The following SGSM2 variants were observed in gnomAD, a reference collection of about 807,000 sequenced individuals.
SGSM2 encodes the protein small G protein signaling modulator 2.
A neutral mutation model predicts 126.6 loss-of-function variants in SGSM2; 89 were observed. That is an observed-to-expected ratio of 0.70 (90% CI 0.59 to 0.84). SGSM2 has a LOEUF of 0.84. Ranked by LOEUF, SGSM2 falls within the 40% of genes least tolerant of loss-of-function variation. The probability of loss-of-function intolerance (pLI) is 0.00; values close to 1 mark genes in which losing one functional copy is unlikely to be tolerated. For synonymous variants in SGSM2, 614 were observed against 574.3 expected (o/e 1.07, Z -0.99); for missense variants, 1,404 against 1,416.6 (o/e 0.99, Z 0.14).
At chr17:2,340,773 A>C (rs571316480) in intron 1 of SGSM2, among the ~76,000 whole-genome samples, 1 of 151,870 alleles carries the variant, frequency 6.6e-6, no homozygotes, top group Admixed American at 6.6e-5. Context: ...TTTAGTAGAG[A>C]CGGGGTTTCA....
In SGSM2 at chr17:2,365,242, C is replaced by G; in HGVS notation, c.1189C>G (p.Arg397Gly). 2 of 1,612,842 alleles carry G rather than the reference C, an allele frequency of 1.2e-6. No homozygotes were observed. Among genetic ancestry groups the G allele is most frequent in the Non-Finnish European group, 1.7e-6 (2 of 1,179,342 alleles). ...KGKVFPKLRK[R>G]SSIRSVDMEE... ...GAAAGTGTTCCCCAAGCTACGGAAA[C>G]GAAGCAGCATTCGCTCCGTGGATAT... Residue 397 changes from arginine (R) to glycine (G), a missense_variant, in exon 11 of 24, where the codon CGA becomes GGA. Physicochemically the swap from Arg to Gly is moderately radical, Grantham distance 125 (BLOSUM62 -2). Transcript: ENST00000268989.
At position 2,372,584 on chromosome 17, in the gene SGSM2, A is replaced by G. The variant is rs1158070089; in HGVS notation, c.1788+96A>G. On this transcript the variant is annotated intron_variant, in intron 15 of 23. Transcript: ENST00000268989. This position sits in a 1 kb window ranked among gnomAD's most constrained non-coding sequence, Gnocchi z 6.0. Reference sequence around the variant, plus strand: ...AAATGTGCCAGTGGGTGCGGTTGACAGGCCAGGGCCGATGCCACGGAGTGA... The same window carrying G: ...AAATGTGCCAGTGGGTGCGGTTGACGGGCCAGGGCCGATGCCACGGAGTGA... 1.3e-6 allele frequency: 2 copies of G among 1,494,040 alleles called. No individual in the cohort carries two copies. The highest frequency in any genetic ancestry group is 1.8e-6 in the Non-Finnish European group (2 of 1,103,586). 92.5% of individuals were successfully genotyped at this position (1,494,040 alleles called of 1,614,324 possible). A position where few individuals can be genotyped will look rare whatever the true frequency, so the allele number is the denominator to read the frequency against.
Position 2,363,767 on chromosome 17 carries a change from T to C in SGSM2, c.807+168T>C. 1 of 1,087,266 alleles carries C rather than the reference T, an allele frequency of 9.2e-7. No individual in the cohort carries two copies. Among genetic ancestry groups the C allele is most frequent in the East Asian group, 2.6e-5 (1 of 38,444 alleles). 67.4% of individuals were successfully genotyped at this position (1,087,266 alleles called of 1,614,324 possible). On this transcript the variant is annotated intron_variant, in intron 7 of 23. Transcript: ENST00000268989. The surrounding 1 kb of genome is among the most constrained non-coding windows in gnomAD (Gnocchi z 4.2). ...CACACGACTCACGCCCAGCCTTTAG[T>C]TGGCAGGGGACAGGAATGGCAGCCA... is the stretch of plus-strand genomic sequence containing the variant.
intron 2 of SGSM2, among the ~76,000 whole-genome samples, chr17:2,357,198 T>C (rs369897353): frequency 1.3e-5 from 2 of 152,190 alleles, no homozygotes; most frequent in South Asian, 4.1e-4. Context: ...CAGACCTTTG[T>C]AGGGGTGTCC....
chr17:2,379,349 G>A (rs910080383), intron 23 of SGSM2, 83 bp from the exon 24 acceptor site: 5 of 1,568,772 alleles, frequency 3.2e-6, no homozygotes, highest in East Asian at 2.3e-5. Context: ...AGAGCAGATG[G>A]AAACAGAGCA....
chr17:2,347,879 C>T (rs1163166082), intron 2 of SGSM2, among the ~76,000 whole-genome samples: 1 of 152,148 alleles, frequency 6.6e-6, no homozygotes, highest in Non-Finnish European at 1.5e-5. Context: ...TCTGGCCAGG[C>T]AGAGCAGGTT....
Position 2,379,066 on chromosome 17 carries a change from G to T in SGSM2, c.2930G>T (p.Trp977Leu). ...CTGTATGAGGATGTGTTTGCTGTGT[G>T]GGAGGTGATCTGGGCAGCCAGGCAC... ...ELLYEDVFAV[W>L]EVIWAARHIS... is the part of the protein sequence containing the mutation. Residue 977 changes from tryptophan (W) to leucine (L), a missense_variant, in exon 23 of 24, where the codon TGG becomes TTG. Transcript: ENST00000268989. The T allele has an allele frequency of 6.2e-7, 1 of 1,614,202 alleles. No individual in the cohort carries two copies. Among genetic ancestry groups the T allele is most frequent in the South Asian group, 1.1e-5 (1 of 91,084 alleles).
At chr17:2,348,499 A>G (rs1158130107) in intron 2 of SGSM2, among the ~76,000 whole-genome samples, 1 of 152,112 alleles carries the variant, frequency 6.6e-6, no homozygotes, top group East Asian at 1.9e-4. Context: ...GGAAGGAGGG[A>G]GCTCTGAAGG....
chr17:2,373,593 T>G, intron 17 of SGSM2, 80 bp downstream of exon 17: 1 of 1,336,354 alleles, frequency 7.5e-7, no homozygotes, highest in Non-Finnish European at 1.0e-6. Flanking sequence ...AGCACCAGCC[T>G]GACCTCTGGG....
chr17:2,367,249 T>C lies in SGSM2; in HGVS notation c.1289-22T>C. The stretch of plus-strand genomic sequence containing the variant: ...GGGATGAGGGCCTCATGCCTCTGCC[T>C]CTCGCTGTTCTCTTTGAGCAGTCAC... On this transcript the variant is annotated intron_variant, in intron 11 of 23. Coordinates refer to ENST00000268989, the MANE Select transcript of SGSM2 (RefSeq NM_014853.3). The surrounding 1 kb of genome is among the most constrained non-coding windows in gnomAD (Gnocchi z 4.0). 1 of 1,606,162 alleles carries C rather than the reference T, an allele frequency of 6.2e-7. No individual in the cohort carries two copies. The highest frequency in any genetic ancestry group is 8.5e-7 in the Non-Finnish European group (1 of 1,176,326).
chr17:2,351,603 T>C (rs1216044694), intron 2 of SGSM2, among the ~76,000 whole-genome samples: 2 of 152,152 alleles, frequency 1.3e-5, no homozygotes, highest in East Asian at 1.9e-4. Context: ...ACAAGGACAA[T>C]GGGATGTGTA....
In SGSM2 at chr17:2,367,308, G is replaced by C. The variant is rs754513850; in HGVS notation, c.1326G>C (p.Ala442=). 1.2e-6 allele frequency: 2 copies of C among 1,613,964 alleles called. No individual in the cohort carries two copies. Among genetic ancestry groups the C allele is most frequent in the African/African-American group, 2.7e-5 (2 of 74,938 alleles). Residue 442 remains alanine, a synonymous_variant, in exon 12 of 24, where the codon GCG becomes GCC. Transcript: ENST00000268989. The surrounding 1 kb of genome is among the most constrained non-coding windows in gnomAD (Gnocchi z 4.0). ...ACCACCACCTAGCGGCCAGCCGCGC[G>C]GCCTCGGTGGACGATGATGAGGAAG... is the stretch of plus-strand genomic sequence containing the variant. ...INYHHLAASR[A]ASVDDDEEEE...
In SGSM2 at chr17:2,379,572, G is replaced by A. The variant is rs2066330833; in HGVS notation, c.*52G>A. ...CAGAGCCTGGGCTCCGGCAGGGAGA[G>A]GTGCAGGGGAGTCACCGCCCAGACC... On this transcript the variant is annotated 3_prime_UTR_variant, in exon 24 of 24. Transcript: ENST00000268989. 6.3e-7 allele frequency: 1 copy of A among 1,582,920 alleles called. No homozygotes were observed.
chr17:2,337,573 C>G lies in SGSM2; in HGVS notation c.-116C>G, dbSNP rs1230178343. 1.7e-6 allele frequency: 1 copy of G among 577,998 alleles called. No individual in the cohort carries two copies. 35.8% of individuals were successfully genotyped at this position (577,998 alleles called of 1,614,324 possible). On this transcript the variant is annotated 5_prime_UTR_variant, in exon 1 of 24. Transcript: ENST00000268989. This position sits in a 1 kb window ranked among gnomAD's most constrained non-coding sequence, Gnocchi z 5.1. ...TGCGGCGGCGGCGGCGGCGGCGGGC[C>G]GGGAGCGCGGCGGGCGGGGGCTCCG... is the stretch of plus-strand genomic sequence containing the variant.
At position 2,364,989 on chromosome 17, in the gene SGSM2, T is replaced by C. The variant is rs774461148; in HGVS notation, c.1093T>C (p.Ser365Pro). Reference sequence around the variant, plus strand: ...GGGAGGACACCTGCTGTCCTTTCTGTCCTGTCTGGAGAATGGGCTGCTGCC... The same window carrying C: ...GGGAGGACACCTGCTGTCCTTTCTGCCCTGTCTGGAGAATGGGCTGCTGCC... ...PQGGHLLSFL[S>P]CLENGLLPRG... is the part of the protein sequence containing the mutation. The change falls in exon 10 of 24, where the codon TCC (serine) becomes CCC (proline). Residue 365 changes from serine (S) to proline (P), a missense_variant. Transcript: ENST00000268989. 1 of 1,613,656 alleles carries C rather than the reference T, an allele frequency of 6.2e-7. No individual in the cohort carries two copies. Among genetic ancestry groups the C allele is most frequent in the South Asian group, 1.1e-5 (1 of 91,080 alleles).
At chr17:2,376,046 C>G (rs1000976716) in intron 18 of SGSM2, 91 bp from the exon 19 acceptor site, 2 of 1,586,282 alleles carry the variant, frequency 1.3e-6, no homozygotes, top group African/African-American at 2.7e-5. Context: ...CTCTGGGTTC[C>G]GTTTTGCTGC....
In SGSM2 at chr17:2,345,653, T is replaced by A. The variant is rs557502114; in HGVS notation, c.133+2033T>A. Among the ~76,000 whole-genome samples, 12 of 150,284 alleles carry A rather than the reference T, an allele frequency of 8.0e-5. No individual in the cohort carries two copies. The South Asian group carries it at 1.5e-3, about 18-fold the overall frequency. On this transcript the variant is annotated intron_variant, in intron 2 of 23. Coordinates refer to ENST00000268989, the MANE Select transcript of SGSM2 (RefSeq NM_014853.3). ...TAAATACTGACAGCTAATTCCCATT[T>A]AAAAAAAAATTGTGTGGGCCACACA...
chr17:2,352,627 T>G (rs1006887711), intron 2 of SGSM2, among the ~76,000 whole-genome samples: 3 of 152,126 alleles, frequency 2.0e-5, no homozygotes, highest in African/African-American at 7.2e-5. Flanking sequence ...AGGCTGGGCT[T>G]GTCCAGGCTG....
chr17:2,372,846 A>C lies in SGSM2; in HGVS notation c.1789-107A>C, dbSNP rs2151622631. 2 of 1,425,786 alleles carry C rather than the reference A, an allele frequency of 1.4e-6. No individual in the cohort carries two copies. Among genetic ancestry groups the C allele is most frequent in the South Asian group, 2.8e-5 (2 of 70,550 alleles). 88.3% of individuals were successfully genotyped at this position (1,425,786 alleles called of 1,614,324 possible). The stretch of plus-strand genomic sequence containing the variant: ...AAGCAGGCCTTGCCTGGGCTTCAGC[A>C]GTCACTACAGGCCCCGCCCCAGCCC... On this transcript the variant is annotated intron_variant, in intron 15 of 23. Coordinates refer to ENST00000268989, the MANE Select transcript of SGSM2 (RefSeq NM_014853.3). The surrounding 1 kb of genome is among the most constrained non-coding windows in gnomAD (Gnocchi z 6.0).
Sources: allele counts gnomAD v4.1 joint callset (sites outside exome capture counted in the v4.1 genomes callset), GRCh38; gene constraint gnomAD v4.1.1; non-coding constraint Gnocchi (gnomAD v3.1); transcripts MANE v1.5; gene names NCBI Gene and HGNC (gene_info 2026-07-23, HGNC 2026-07-21).